The following SOX5 variants were observed in gnomAD, a reference collection of about 807,000 sequenced individuals.
SOX5 encodes the protein transcription factor SOX-5.
SOX5 carries 9 observed loss-of-function variants against 92.0 expected under a neutral mutation model. The observed-to-expected ratio is 0.10, with a 90% CI of 0.06 to 0.17. SOX5 has a LOEUF of 0.17. Among genes scored for constraint, SOX5 ranks in the 10% least tolerant of loss-of-function variants. The probability of loss-of-function intolerance (pLI) is 1.00; values close to 1 mark genes in which losing one functional copy is unlikely to be tolerated. For synonymous variants in SOX5, 344 were observed against 336.3 expected, an observed-to-expected ratio of 1.02 and a Z score of -0.25; for missense variants, 642 against 944.5, an observed-to-expected ratio of 0.68 and a Z score of 4.20.
chr12:23,969,617 C>T (rs1480137963), intron 4 of SOX5, among the ~76,000 whole-genome samples: 1 of 152,202 alleles, frequency 6.6e-6, no homozygotes, highest in Non-Finnish European at 1.5e-5. Context: ...TAATGTCTAG[C>T]TACACTTCAA....
chr12:23,818,460 C>A (rs1473537728), intron 3 of SOX5, among the ~76,000 whole-genome samples: 1 of 152,084 alleles, frequency 6.6e-6, no homozygotes, highest in Non-Finnish European at 1.5e-5. Flanking sequence ...ATGAACAGAG[C>A]TTGAAGGACT....
intron 10 of SOX5, among the ~76,000 whole-genome samples, chr12:23,564,421 G>A (rs959490446): frequency 3.3e-5 from 5 of 152,068 alleles, no homozygotes; most frequent in Admixed American, 6.6e-5. Flanking sequence ...TCTGTAATAC[G>A]AAACTGCCCA....
At chr12:24,227,257 G>A (rs931048931) in intron 3 of SOX5, 1 of 152,204 alleles carries the variant, frequency 6.6e-6, no homozygotes, top group Non-Finnish European at 1.5e-5. Context: ...AGGCGCCTGG[G>A]GGACATATTA....
intron 2 of SOX5, among the ~76,000 whole-genome samples, chr12:24,327,088 T>G (rs1382967688): frequency 1.3e-5 from 2 of 152,214 alleles, no homozygotes; most frequent in Non-Finnish European, 2.9e-5. Context: ...GAATGAGTAC[T>G]TTTGATGAAT....
At chr12:24,509,909 C>G (rs1242900360) in intron 1 of SOX5, among the ~76,000 whole-genome samples, 1 of 152,168 alleles carries the variant, frequency 6.6e-6, no homozygotes, top group Non-Finnish European at 1.5e-5. Context: ...GTCATAAAGT[C>G]CAGGCAATGA....
intron 1 of SOX5, among the ~76,000 whole-genome samples, chr12:24,495,807 G>C (rs551025382): frequency 1.1e-3 from 172 of 152,306 alleles, no homozygotes; most frequent in Non-Finnish European, 1.8e-3. Context: ...CCACAAGGAT[G>C]GGGGAGGGTG....
intron 2 of SOX5, among the ~76,000 whole-genome samples, chr12:23,882,947 C>T (rs907027256): frequency 4.6e-5 from 7 of 151,884 alleles, no homozygotes; most frequent in African/African-American, 1.7e-4. Context: ...TTTGGAAGGC[C>T]GAGGCAGGTG....
intron 3 of SOX5, among the ~76,000 whole-genome samples, chr12:23,793,842 A>C (rs2095517825): frequency 6.6e-6 from 1 of 152,194 alleles, no homozygotes. Context: ...GCACACTGTC[A>C]ACTCTTCTGT....
chr12:24,468,215 G>A (rs1041964051), intron 1 of SOX5, among the ~76,000 whole-genome samples: 5 of 152,118 alleles, frequency 3.3e-5, no homozygotes, highest in Non-Finnish European at 4.4e-5. Flanking sequence ...ATTTCAGCAT[G>A]GGCTCCATGC....
At chr12:24,310,146 T>G (rs566715191) in intron 2 of SOX5, among the ~76,000 whole-genome samples, 1 of 152,326 alleles carries the variant, frequency 6.6e-6, no homozygotes, top group South Asian at 2.1e-4. Flanking sequence ...TAAATAGTTT[T>G]AATTTACTAA....
chr12:23,569,508 A>G (rs1355956141), intron 10 of SOX5, among the ~76,000 whole-genome samples: 2 of 152,220 alleles, frequency 1.3e-5, no homozygotes, highest in African/African-American at 4.8e-5. Context: ...CTGGAAAATC[A>G]TCATTCTGAG....
At chr12:23,730,152 A>G (rs369357177) in intron 6 of SOX5, among the ~76,000 whole-genome samples, 1 of 152,212 alleles carries the variant, frequency 6.6e-6, no homozygotes, top group East Asian at 1.9e-4. Context: ...TTTAATGTAA[A>G]AAAGAAAATA....
intron 1 of SOX5, among the ~76,000 whole-genome samples, chr12:24,550,444 T>G (rs1953047127): frequency 6.6e-6 from 1 of 152,164 alleles, no homozygotes; most frequent in Non-Finnish European, 1.5e-5. Flanking sequence ...ATGACCCTTT[T>G]AGAGACCTCA....
intron 3 of SOX5, among the ~76,000 whole-genome samples, chr12:23,825,576 G>A (rs1287299664): frequency 6.6e-6 from 1 of 152,158 alleles, no homozygotes; most frequent in Non-Finnish European, 1.5e-5. Flanking sequence ...GTTTGTATGC[G>A]TGTATTTATT....
intron 8 of SOX5, among the ~76,000 whole-genome samples, chr12:23,628,003 A>G (rs975286192): frequency 7.2e-5 from 11 of 152,202 alleles, no homozygotes; most frequent in African/African-American, 2.6e-4. Context: ...AGGTCACACA[A>G]AAACATCAAA....
chr12:24,012,307 T>C (rs750853360), intron 4 of SOX5, among the ~76,000 whole-genome samples: 4 of 152,160 alleles, frequency 2.6e-5, no homozygotes, highest in Non-Finnish European at 4.4e-5. Flanking sequence ...ATGAGGGCAG[T>C]TTCCAAGTCA....
chr12:23,828,639 C>G (rs559523970), intron 3 of SOX5, among the ~76,000 whole-genome samples: 72 of 151,660 alleles, frequency 4.7e-4, no homozygotes, highest in African/African-American at 1.7e-3. Flanking sequence ...GAAGTGAACT[C>G]ATATATATGC....
At chr12:24,456,289 C>T (rs548336828) in intron 1 of SOX5, among the ~76,000 whole-genome samples, 1 of 152,242 alleles carries the variant, frequency 6.6e-6, no homozygotes, top group East Asian at 1.9e-4. Context: ...GTGGGTGTTC[C>T]TTTATTAGAA....
chr12:23,753,623 G>A (rs1406122669), intron 4 of SOX5, among the ~76,000 whole-genome samples: 1 of 151,710 alleles, frequency 6.6e-6, no homozygotes, highest in Non-Finnish European at 1.5e-5. Flanking sequence ...AAGTATACGA[G>A]AGCATAAGAC....
Sources: gnomAD v4.1 joint callset for allele counts (sites outside exome capture counted in the v4.1 genomes callset) on GRCh38, gnomAD v4.1.1 for gene constraint, MANE v1.5 for transcripts, NCBI Gene and HGNC (gene_info 2026-07-23, HGNC 2026-07-21) for gene names.